Variants in KCNAB1 observed in about 807,000 individuals in gnomAD.
KCNAB1 encodes potassium voltage-gated channel subfamily A regulatory beta subunit 1, also known as voltage-gated potassium channel subunit beta-1.
Under a neutral mutation model 64.6 loss-of-function variants are expected in KCNAB1, and 35 were observed. That is an observed-to-expected ratio of 0.54 (90% CI 0.41 to 0.72). The LOEUF (loss-of-function observed/expected upper bound fraction) is 0.72. Among genes scored for constraint, KCNAB1 ranks in the 30% least tolerant of loss-of-function variants. The pLI is 0.00. For missense variants in KCNAB1, 401 were observed against 512.9 expected (o/e 0.78, Z 2.11); for synonymous variants, 177 against 183.8 (o/e 0.96, Z 0.30).
At chr3:156,165,373 T>C (rs1468284375) in intron 1 of KCNAB1, among the ~76,000 whole-genome samples, 1 of 151,786 alleles carries the variant, frequency 6.6e-6, no homozygotes, top group East Asian at 1.9e-4. Flanking sequence ...AGTGGTGAGT[T>C]TGCTGCTAAC....
At chr3:156,201,647 T>G (rs1381269297) in intron 1 of KCNAB1, among the ~76,000 whole-genome samples, 1 of 152,164 alleles carries the variant, frequency 6.6e-6, no homozygotes, top group Non-Finnish European at 1.5e-5. Flanking sequence ...ACAATGACAT[T>G]GCGGCAGGGG....
intron 1 of KCNAB1, among the ~76,000 whole-genome samples, chr3:156,360,580 A>G (rs933604592): frequency 2.0e-5 from 3 of 152,078 alleles, no homozygotes; most frequent in African/African-American, 7.2e-5. Flanking sequence ...TAGGCATGGT[A>G]ACATTTGCCT....
At position 156,375,455 on chromosome 3, in the gene KCNAB1, A is replaced by T. The variant is rs78159212; in HGVS notation, c.276-46161A>T. ...AAAGCTGGGAAGGGGCAGAGAATAG[A>T]CCAGAACCTGCTCATTTTCTAGTGA... On this transcript the variant is annotated intron_variant, in intron 1 of 13. Transcript: ENST00000490337. Among the ~76,000 whole-genome samples the T allele has an allele frequency of 3.0e-5, 4 of 135,432 alleles. 1 individual carries two copies. Among genetic ancestry groups the T allele is most frequent in the African/African-American group, 1.3e-4 (4 of 30,168 alleles). The allele number at this position is 135,432 out of a possible 152,430, so 88.8% of individuals were successfully genotyped here. A position where few individuals can be genotyped will look rare whatever the true frequency, so the allele number is the denominator to read the frequency against.
intron 1 of KCNAB1, among the ~76,000 whole-genome samples, chr3:156,259,044 T>G (rs1382936096): frequency 2.0e-5 from 3 of 152,254 alleles, no homozygotes. Context: ...ACAAATTGAC[T>G]AATTGATCTG....
intron 1 of KCNAB1, among the ~76,000 whole-genome samples, chr3:156,196,608 C>T (rs556175365): frequency 3.5e-4 from 53 of 152,138 alleles, no homozygotes; most frequent in Non-Finnish European, 6.3e-4. Context: ...TGGCTCTCTG[C>T]TTGTCTATCA....
intron 1 of KCNAB1, among the ~76,000 whole-genome samples, chr3:156,366,503 G>T (rs548205769): frequency 6.6e-6 from 1 of 152,216 alleles, no homozygotes; most frequent in Non-Finnish European, 1.5e-5. Context: ...TGACCCCTAA[G>T]CTTGTGGGGC....
intron 1 of KCNAB1, among the ~76,000 whole-genome samples, chr3:156,266,463 C>T (rs1167366127): frequency 6.6e-6 from 1 of 152,156 alleles, no homozygotes; most frequent in Non-Finnish European, 1.5e-5. Context: ...TCAAAAAGCA[C>T]CTCTCTGCAC....
intron 3 of KCNAB1, chr3:156,453,199 G>A (rs1266202478): frequency 3.5e-5 from 11 of 315,538 alleles, no homozygotes; most frequent in African/African-American, 2.3e-4. Flanking sequence ...ATTAACATTA[G>A]TCACTTTATG....
At chr3:156,506,834 CT>C (rs1264277234) in intron 8 of KCNAB1, among the ~76,000 whole-genome samples, 6 of 152,062 alleles carry the variant, frequency 3.9e-5, no homozygotes, top group East Asian at 3.9e-4. Flanking sequence ...GACACCAGCC[CT>C]TTTTTTGCCT....
chr3:156,349,178 T>C (rs1487907010), intron 1 of KCNAB1, among the ~76,000 whole-genome samples: 1 of 152,102 alleles, frequency 6.6e-6, no homozygotes, highest in Non-Finnish European at 1.5e-5. Context: ...ATAATCAGTC[T>C]AGAGGAACCA....
chr3:156,139,179 C>A (rs1393075657), intron 1 of KCNAB1, among the ~76,000 whole-genome samples: 1 of 152,158 alleles, frequency 6.6e-6, no homozygotes, highest in Admixed American at 6.5e-5. Context: ...ATAAATAGTT[C>A]TCTTATTAAA....
chr3:156,423,058 G>T (rs1715571919), intron 2 of KCNAB1, among the ~76,000 whole-genome samples: 1 of 152,140 alleles, frequency 6.6e-6, no homozygotes, highest in South Asian at 2.1e-4. Context: ...AGGTCTGTTT[G>T]GGTGGAATGG....
At chr3:156,457,257 A>G in intron 3 of KCNAB1, 196 bp from the exon 4 acceptor site, 4 of 1,378,956 alleles carry the variant, frequency 2.9e-6, no homozygotes, top group Non-Finnish European at 3.8e-6. Flanking sequence ...TCAGTGCCCT[A>G]TGTCTGAAGG....
At chr3:156,172,561 C>T (rs939685548) in intron 1 of KCNAB1, among the ~76,000 whole-genome samples, 1 of 152,006 alleles carries the variant, frequency 6.6e-6, no homozygotes, top group Non-Finnish European at 1.5e-5. Flanking sequence ...ATTACAGGCG[C>T]GAGCCACCAC....
chr3:156,364,550 G>A (rs530784980), intron 1 of KCNAB1, among the ~76,000 whole-genome samples: 111 of 152,218 alleles, frequency 7.3e-4, no homozygotes, highest in African/African-American at 2.5e-3. Context: ...AGGCCGAGGC[G>A]GGCGGATCAC....
intron 1 of KCNAB1, among the ~76,000 whole-genome samples, chr3:156,314,594 T>C (rs1054061675): frequency 6.6e-6 from 1 of 152,230 alleles, no homozygotes; most frequent in African/African-American, 2.4e-5. Flanking sequence ...AGCCAAGATC[T>C]TTTACGTCAG....
At chr3:156,318,369 T>C (rs772689698) in intron 1 of KCNAB1, among the ~76,000 whole-genome samples, 1 of 152,012 alleles carries the variant, frequency 6.6e-6, no homozygotes, top group Non-Finnish European at 1.5e-5. Flanking sequence ...GCAGGCAGAG[T>C]GAGTGCCCCC....
intron 2 of KCNAB1, among the ~76,000 whole-genome samples, chr3:156,424,803 A>ACACTAAAACACAAAG (rs1425025710): frequency 1.3e-5 from 2 of 152,158 alleles, no homozygotes; most frequent in East Asian, 3.8e-4. Context: ...AGGTGCAGGC[A>ACACTAAAACACAAAG]TTTTAGTGAA....
intron 1 of KCNAB1, among the ~76,000 whole-genome samples, chr3:156,299,565 T>G (rs1721020040): frequency 6.6e-6 from 1 of 152,250 alleles, no homozygotes. Context: ...TTGGGCATTC[T>G]GTGCTGAACA....
Sources: gnomAD v4.1 joint callset for allele counts (sites outside exome capture counted in the v4.1 genomes callset) on GRCh38, gnomAD v4.1.1 for gene constraint, MANE v1.5 for transcripts, NCBI Gene and HGNC (gene_info 2026-07-23, HGNC 2026-07-21) for gene names.